The following ARHGAP15 variants were observed in gnomAD, a reference collection of about 807,000 sequenced individuals.
The protein encoded by ARHGAP15 is Rho GTPase activating protein 15.
A neutral mutation model predicts 63.7 loss-of-function variants in ARHGAP15; 51 were observed. The observed-to-expected ratio is 0.80, with a 90% CI of 0.64 to 1.01. ARHGAP15 has a LOEUF of 1.01. Ranked by LOEUF, ARHGAP15 falls within the 50% of genes least tolerant of loss-of-function variation. The probability of loss-of-function intolerance (pLI) is 0.00; values close to 1 mark genes in which losing one functional copy is unlikely to be tolerated. For missense variants in ARHGAP15, 560 were observed against 564.6 expected, an observed-to-expected ratio of 0.99 and a Z score of 0.08; for synonymous variants, 191 against 193.8, an observed-to-expected ratio of 0.99 and a Z score of 0.12.
At chr2:143,503,298 A>G (rs1052973735) in intron 9 of ARHGAP15, among the ~76,000 whole-genome samples, 3 of 152,218 alleles carry the variant, frequency 2.0e-5, no homozygotes, top group Non-Finnish European at 2.9e-5. Flanking sequence ...GGTGTGTATA[A>G]TGGGAAGTCA....
intron 6 of ARHGAP15, among the ~76,000 whole-genome samples, chr2:143,308,337 G>T (rs1683272595): frequency 6.6e-6 from 1 of 152,022 alleles, no homozygotes; most frequent in Non-Finnish European, 1.5e-5. Context: ...GCACTTTGTA[G>T]CCAGAAAGAA....
At chr2:143,542,416 T>A (rs1441078857) in intron 10 of ARHGAP15, among the ~76,000 whole-genome samples, 2 of 152,036 alleles carry the variant, frequency 1.3e-5, no homozygotes, top group Admixed American at 6.5e-5. Flanking sequence ...CCCAGTGAGA[T>A]GAACCTGGTA....
intron 12 of ARHGAP15, among the ~76,000 whole-genome samples, chr2:143,674,967 C>CA (rs941930446): frequency 6.6e-5 from 10 of 152,202 alleles, no homozygotes; most frequent in South Asian, 2.1e-4. Flanking sequence ...CTTCCTTTCA[C>CA]AAAAAATTGC....
intron 12 of ARHGAP15, among the ~76,000 whole-genome samples, chr2:143,693,869 G>A (rs1306971006): frequency 1.3e-5 from 2 of 152,144 alleles, no homozygotes; most frequent in Non-Finnish European, 2.9e-5. Context: ...CCAAGCTAAG[G>A]ATTTCAGGCT....
chr2:143,624,600 C>A (rs192441496), intron 12 of ARHGAP15, among the ~76,000 whole-genome samples: 28 of 152,260 alleles, frequency 1.8e-4, no homozygotes, highest in African/African-American at 6.7e-4. Context: ...TGCCTTTATA[C>A]TTTCAGAATT....
intron 11 of ARHGAP15, among the ~76,000 whole-genome samples, chr2:143,622,554 T>C (rs1698680819): frequency 6.6e-6 from 1 of 152,050 alleles, no homozygotes; most frequent in Non-Finnish European, 1.5e-5. Context: ...GACTAATTGT[T>C]GAAATACAAT....
intron 13 of ARHGAP15, among the ~76,000 whole-genome samples, chr2:143,726,645 A>C (rs1323854367): frequency 6.6e-6 from 1 of 152,196 alleles, no homozygotes; most frequent in Non-Finnish European, 1.5e-5. Context: ...TGAATGTGAA[A>C]TGTTTGTTCC....
intron 1 of ARHGAP15, among the ~76,000 whole-genome samples, chr2:143,143,434 AC>A (rs1689451572): frequency 6.6e-6 from 1 of 152,042 alleles, no homozygotes; most frequent in Non-Finnish European, 1.5e-5. Context: ...AGTAATGTGA[AC>A]TGGCAAATAT....
At chr2:143,245,622 T>TTC (rs1227944726) in intron 5 of ARHGAP15, among the ~76,000 whole-genome samples, 1 of 142,494 alleles carries the variant, frequency 7.0e-6, no homozygotes, top group East Asian at 2.0e-4. Context: ...CTTCTTCTTC[T>TTC]TTTTTTTTTT....
At chr2:143,350,478 T>C (rs1685506940) in intron 6 of ARHGAP15, among the ~76,000 whole-genome samples, 1 of 152,022 alleles carries the variant, frequency 6.6e-6, no homozygotes, top group South Asian at 2.1e-4. Flanking sequence ...AGGATGCTAA[T>C]CCATTAGTTA....
At chr2:143,579,750 C>CT (rs143358987) in intron 11 of ARHGAP15, among the ~76,000 whole-genome samples, 28,904 of 151,806 alleles carry the variant, frequency 0.19, 3,133 homozygotes, top group Middle Eastern at 0.28. Flanking sequence ...AGCTTGATTT[C>CT]TTATTAATAA....
chr2:143,726,435 G>GA (rs963363227), intron 13 of ARHGAP15, among the ~76,000 whole-genome samples: 24 of 140,406 alleles, frequency 1.7e-4, no homozygotes, highest in Admixed American at 8.6e-4. Context: ...AAAAAAAAAA[G>GA]AAAAAAAAAA....
chr2:143,235,826 A>G lies in ARHGAP15; in HGVS notation c.384+7158A>G. The G allele has an allele frequency of 4.9e-6, 6 of 1,219,264 alleles. No homozygotes were observed. In the South Asian group the frequency reaches 1.1e-4, roughly 22 times the overall value. 75.5% of individuals were successfully genotyped at this position (1,219,264 alleles called of 1,614,324 possible). ...GATTTATCTTCTCAGGCCTTGACTC[A>G]CACTCCTTGTATTTTTCAGGTACAC... On this transcript the variant is annotated intron_variant, in intron 5 of 13. Transcript: ENST00000295095.
intron 12 of ARHGAP15, among the ~76,000 whole-genome samples, chr2:143,685,092 G>A (rs1683269645): frequency 6.6e-6 from 1 of 152,158 alleles, no homozygotes; most frequent in Admixed American, 6.5e-5. Flanking sequence ...TGTTTCTGTT[G>A]TTGACAGACA....
At chr2:143,741,819 T>C (rs1226649944) in intron 13 of ARHGAP15, among the ~76,000 whole-genome samples, 1 of 152,182 alleles carries the variant, frequency 6.6e-6, no homozygotes, top group Non-Finnish European at 1.5e-5. Context: ...TGCCGGAGCA[T>C]CTTGAATACA....
intron 10 of ARHGAP15, among the ~76,000 whole-genome samples, chr2:143,527,498 A>G (rs1694329622): frequency 6.6e-6 from 1 of 152,038 alleles, no homozygotes; most frequent in East Asian, 1.9e-4. Context: ...AATGGAAAAA[A>G]TCAAGGGCTG....
intron 8 of ARHGAP15, among the ~76,000 whole-genome samples, chr2:143,482,001 A>G (rs528392114): frequency 9.2e-5 from 14 of 152,322 alleles, no homozygotes; most frequent in South Asian, 4.1e-4. Flanking sequence ...TTTGAAAAGC[A>G]TTCTATTTGT....
chr2:143,304,019 G>C (rs1320696206), intron 6 of ARHGAP15, among the ~76,000 whole-genome samples: 1 of 152,146 alleles, frequency 6.6e-6, no homozygotes, highest in Non-Finnish European at 1.5e-5. Flanking sequence ...CTGTAAACTA[G>C]TTCAACCATT....
intron 10 of ARHGAP15, among the ~76,000 whole-genome samples, chr2:143,525,678 A>G (rs1405889379): frequency 6.6e-6 from 1 of 152,120 alleles, no homozygotes; most frequent in Non-Finnish European, 1.5e-5. Context: ...CTGACAGCAC[A>G]GTGTTGTGCT....
Sources: gnomAD v4.1 joint callset for allele counts (sites outside exome capture counted in the v4.1 genomes callset) on GRCh38, gnomAD v4.1.1 for gene constraint, MANE v1.5 for transcripts, NCBI Gene and HGNC (gene_info 2026-07-23, HGNC 2026-07-21) for gene names.